The following HECTD4 variants were observed in gnomAD, a reference collection of about 807,000 sequenced individuals.
The protein encoded by HECTD4 is HECT domain E3 ubiquitin protein ligase 4.
Under a neutral mutation model 471.5 loss-of-function variants are expected in HECTD4, and 114 were observed. That is an observed-to-expected ratio of 0.24 (90% confidence interval 0.21 to 0.28). HECTD4 has a LOEUF of 0.28. Among genes scored for constraint, HECTD4 ranks in the 10% least tolerant of loss-of-function variants. The pLI, the probability that HECTD4 is intolerant of heterozygous loss-of-function variation, is 1.00. For missense variants in HECTD4, 3,866 were observed against 5,651.5 expected (o/e 0.68, Z 10.13); for synonymous variants, 2,012 against 2,256.0 (o/e 0.89, Z 3.07).
intron 7 of HECTD4, among the ~76,000 whole-genome samples, chr12:112,305,275 C>T (rs1256417945): frequency 6.6e-6 from 1 of 152,094 alleles, no homozygotes; most frequent in Non-Finnish European, 1.5e-5. Flanking sequence ...CGGTGTGGAT[C>T]TAAAGCGCCG....
chr12:112,194,539 C>A lies in HECTD4; in HGVS notation c.8749+346G>T, dbSNP rs1244405459. ...CCAAATAGGTCTGCTTTGGAGGACG[C>A]TGATGACAGGAACATCTCCTTTCTT... On this transcript the variant is annotated intron_variant, in intron 56 of 75. Coordinates refer to ENST00000682272, the MANE Select transcript of HECTD4 (RefSeq NM_001388303.1). This position sits in a 1 kb window ranked among gnomAD's most constrained non-coding sequence, Gnocchi z 4.6. Among the ~76,000 whole-genome samples, 1 of 152,218 alleles carries A rather than the reference C, an allele frequency of 6.6e-6. No homozygotes were observed. The highest frequency in any genetic ancestry group is 2.4e-5 in the African/African-American group (1 of 41,456).
intron 9 of HECTD4, among the ~76,000 whole-genome samples, chr12:112,275,361 C>T (rs972167252): frequency 4.6e-5 from 7 of 152,160 alleles, no homozygotes; most frequent in Non-Finnish European, 1.0e-4. Context: ...CACAGCTCAG[C>T]TGCAATCTTT....
At chr12:112,360,787 C>G (rs1236091885) in intron 1 of HECTD4, among the ~76,000 whole-genome samples, 1 of 151,928 alleles carries the variant, frequency 6.6e-6, no homozygotes, top group African/African-American at 2.4e-5. Context: ...AGTTCGAGAC[C>G]AGCCTGGCCA....
At position 112,270,322 on chromosome 12, in the gene HECTD4, C is replaced by T. The variant is rs968985021; in HGVS notation, c.2080G>A (p.Glu694Lys). 4.3e-6 allele frequency: 7 copies of T among 1,613,906 alleles called. No individual in the cohort carries two copies. The African/African-American group carries it at 5.3e-5, about 12-fold the overall frequency. The change falls in exon 12 of 76, where the codon GAA becomes AAA. Residue 694 changes from glutamate to lysine, a missense_variant. Around this residue, in one of 16 missense-constraint regions of HECTD4, gnomAD observed 525 missense variants for 672.6 expected, o/e 0.78. Transcript: ENST00000682272. ...TSVLGKQHPI[E>K]AHHLSSICDI... is the part of the protein sequence containing the mutation. ...CAAATACTGCTAAGATGATGTGCTT[C>T]AATTGGATGCTGCTTGCCCAAGACA... is the stretch of plus-strand genomic sequence containing the variant.
intron 55 of HECTD4, among the ~76,000 whole-genome samples, chr12:112,198,902 T>C (rs1416790669): frequency 6.6e-6 from 1 of 151,796 alleles, no homozygotes; most frequent in Non-Finnish European, 1.5e-5. Flanking sequence ...AAGCTGTGTC[T>C]AAATGGGGAG....
At chr12:112,219,289 G>C (rs755048129) in intron 45 of HECTD4, 97 bp downstream of exon 45, 1 of 796,706 alleles carries the variant, frequency 1.3e-6, no homozygotes, top group Non-Finnish European at 2.0e-6. Context: ...AAACGGCTTT[G>C]CAAACACTTA....
At chr12:112,269,074 C>T (rs2034355937) in intron 13 of HECTD4, among the ~76,000 whole-genome samples, 3 of 151,542 alleles carry the variant, frequency 2.0e-5, no homozygotes, top group Admixed American at 6.6e-5. Context: ...GGGGTTTCAC[C>T]GTGTTAGCCA....
Position 112,382,364 on chromosome 12 carries a change from A to C in HECTD4, c.-236T>G, listed in dbSNP as rs2036914727. Reference sequence around the variant, plus strand: ...CGCCGCCGCCGCCGCCGCCGCCCTCAGGAGCAGGATCCGCCTCTGCCGCTC... The same window carrying C: ...CGCCGCCGCCGCCGCCGCCGCCCTCCGGAGCAGGATCCGCCTCTGCCGCTC... On this transcript the variant is annotated 5_prime_UTR_variant, in exon 1 of 76. Coordinates refer to ENST00000682272, the MANE Select transcript of HECTD4 (RefSeq NM_001388303.1). The C allele has an allele frequency of 1.1e-5, 4 of 369,522 alleles. No individual in the cohort carries two copies. Among genetic ancestry groups the C allele is most frequent in the South Asian group, 4.5e-5 (1 of 22,228 alleles). The allele number at this position is 369,522 out of a possible 1,614,324, so 22.9% of individuals were successfully genotyped here. A position where few individuals can be genotyped will look rare whatever the true frequency, so the allele number is the denominator to read the frequency against.
intron 4 of HECTD4, among the ~76,000 whole-genome samples, chr12:112,310,504 C>T (rs1467049316): frequency 6.6e-6 from 1 of 152,124 alleles, no homozygotes; most frequent in Non-Finnish European, 1.5e-5. Flanking sequence ...ATGGATAAAA[C>T]TTTCATTGTT....
intron 7 of HECTD4, among the ~76,000 whole-genome samples, chr12:112,295,732 C>A (rs1219366727): frequency 6.6e-6 from 1 of 151,362 alleles, no homozygotes. Context: ...GCCTTAAACT[C>A]CTGGGCTCAA....
intron 48 of HECTD4, among the ~76,000 whole-genome samples, chr12:112,212,908 G>A (rs1384882080): frequency 1.3e-5 from 2 of 152,120 alleles, no homozygotes; most frequent in African/African-American, 4.8e-5. Context: ...CAATTTTCCT[G>A]CCTCAGCCTC....
Position 112,170,330 on chromosome 12 carries a change from C to T in HECTD4, c.12052+3G>A. 1 of 1,613,838 alleles carries T rather than the reference C, an allele frequency of 6.2e-7. No homozygotes were observed. Among genetic ancestry groups the T allele is most frequent in the African/African-American group, 1.3e-5 (1 of 75,064 alleles). Reference sequence around the variant, plus strand: ...ATTTTTTGCTCTCCGCAGCCAACCCCACCTCCCACAATTTCCAGTGGGTCC... The same window carrying T: ...ATTTTTTGCTCTCCGCAGCCAACCCTACCTCCCACAATTTCCAGTGGGTCC... On this transcript the variant is annotated splice_donor_region_variant and intron_variant, in intron 69 of 75. Transcript: ENST00000682272.
chr12:112,322,524 A>T (rs548412459), intron 1 of HECTD4: 3 of 152,946 alleles, frequency 2.0e-5, no homozygotes, highest in Non-Finnish European at 2.9e-5. Flanking sequence ...ACAAATTACG[A>T]AGGAGAAACA....
At chr12:112,238,944 T>G in intron 34 of HECTD4, 108 bp downstream of exon 34, 1 of 1,063,506 alleles carries the variant, frequency 9.4e-7, no homozygotes, top group Non-Finnish European at 1.3e-6. Flanking sequence ...CATCTGATCA[T>G]GTCATTTAAT....
chr12:112,246,132 A>AAAAAAAT (rs2033755883), intron 29 of HECTD4, among the ~76,000 whole-genome samples: 2 of 149,776 alleles, frequency 1.3e-5, no homozygotes, highest in South Asian at 4.2e-4. Context: ...ACTCCGTCTC[A>AAAAAAAT]AAAAAATAAA....
intron 1 of HECTD4, among the ~76,000 whole-genome samples, chr12:112,326,416 C>T (rs1436827173): frequency 6.6e-6 from 1 of 152,016 alleles, no homozygotes; most frequent in Non-Finnish European, 1.5e-5. Context: ...TTGCTTAAGC[C>T]CAGGAGTTCA....
chr12:112,330,998 C>T (rs1429990298), intron 1 of HECTD4, among the ~76,000 whole-genome samples: 3 of 152,042 alleles, frequency 2.0e-5, no homozygotes, highest in African/African-American at 7.2e-5. Context: ...GAGTTGGTCC[C>T]GCCCCGGTCT....
rs1016117178 is a variant in HECTD4 at position 112,343,778 on chromosome 12, A to G, written c.178-24036T>C. Among the ~76,000 whole-genome samples, 50 of 149,896 alleles carry G rather than the reference A, an allele frequency of 3.3e-4. 1 individual carries two copies. The highest frequency in any genetic ancestry group is 2.1e-4 in the South Asian group (1 of 4,736). On this transcript the variant is annotated intron_variant, in intron 1 of 75. Coordinates refer to ENST00000682272, the MANE Select transcript of HECTD4 (RefSeq NM_001388303.1). ...AGACAGAGAGACCCCATCTCTTGGG[A>G]AAAAAAAAAGTGAAATCAACCTAAA...
At chr12:112,174,802 C>G (rs966686667) in intron 66 of HECTD4, among the ~76,000 whole-genome samples, 1 of 152,168 alleles carries the variant, frequency 6.6e-6, no homozygotes, top group African/African-American at 2.4e-5. Context: ...GACCTCATGC[C>G]TCCCAAAGTG....
Sources: allele counts gnomAD v4.1 joint callset (sites outside exome capture counted in the v4.1 genomes callset), GRCh38; gene constraint gnomAD v4.1.1; regional missense constraint gnomAD v4.1.1; non-coding constraint Gnocchi (gnomAD v3.1); transcripts MANE v1.5; gene names NCBI Gene and HGNC (gene_info 2026-07-23, HGNC 2026-07-21).